RBMS3: variants seen among roughly 807,000 people sequenced by gnomAD.
The protein encoded by RBMS3 is RNA-binding motif, single-stranded-interacting protein 3.
A neutral mutation model predicts 66.8 loss-of-function variants in RBMS3; 27 were observed. The observed-to-expected ratio is 0.40, with a 90% CI of 0.30 to 0.56. The LOEUF (loss-of-function observed/expected upper bound fraction) is 0.56. Among genes scored for constraint, RBMS3 ranks in the 20% least tolerant of loss-of-function variants. The pLI, the probability that RBMS3 is intolerant of heterozygous loss-of-function variation, is 0.40. For synonymous variants in RBMS3, 188 were observed against 183.0 expected, an observed-to-expected ratio of 1.03 and a Z score of -0.22; for missense variants, 513 against 549.5, an observed-to-expected ratio of 0.93 and a Z score of 0.66.
chr3:29,334,992 T>A (rs1318158763), intron 1 of RBMS3, among the ~76,000 whole-genome samples: 1 of 152,318 alleles, frequency 6.6e-6, no homozygotes, highest in South Asian at 2.1e-4. Flanking sequence ...TGATGACAAA[T>A]ACTCTTTTTG....
intron 4 of RBMS3, among the ~76,000 whole-genome samples, chr3:29,738,357 A>T (rs1473455226): frequency 6.6e-6 from 1 of 152,224 alleles, no homozygotes; most frequent in Non-Finnish European, 1.5e-5. Context: ...TAGTTAAAAT[A>T]TAATAGTTCA....
At chr3:29,839,049 A>G (rs2058600107) in intron 6 of RBMS3, among the ~76,000 whole-genome samples, 1 of 152,210 alleles carries the variant, frequency 6.6e-6, no homozygotes. Flanking sequence ...GTGAATAATT[A>G]TCTTTCATTC....
intron 3 of RBMS3, among the ~76,000 whole-genome samples, chr3:29,491,720 G>T (rs764467289): frequency 6.6e-6 from 1 of 152,178 alleles, no homozygotes; most frequent in Non-Finnish European, 1.5e-5. Flanking sequence ...TAGGCCGGGC[G>T]CAGTGGCTCA....
intron 3 of RBMS3, among the ~76,000 whole-genome samples, chr3:29,562,584 T>A (rs1167650993): frequency 6.6e-6 from 1 of 152,130 alleles, no homozygotes; most frequent in Non-Finnish European, 1.5e-5. Context: ...AACCAAGGAA[T>A]AACTTATTTT....
intron 3 of RBMS3, among the ~76,000 whole-genome samples, chr3:29,562,565 G>A (rs2046594356): frequency 6.6e-6 from 1 of 152,054 alleles, no homozygotes; most frequent in Non-Finnish European, 1.5e-5. Flanking sequence ...TATTCTAGGG[G>A]TCTACCTGAA....
intron 1 of RBMS3, among the ~76,000 whole-genome samples, chr3:29,336,331 T>C (rs893970058): frequency 1.3e-5 from 2 of 152,260 alleles, no homozygotes; most frequent in South Asian, 2.1e-4. Flanking sequence ...TTGTGTTTTT[T>C]TGCAAGGCAC....
intron 6 of RBMS3, among the ~76,000 whole-genome samples, chr3:29,805,068 G>T (rs1182745025): frequency 1.3e-5 from 2 of 151,846 alleles, no homozygotes; most frequent in Admixed American, 1.3e-4. Flanking sequence ...TTTGAATAAG[G>T]TTAGATTTCT....
chr3:29,349,117 C>T (rs1458723840), intron 1 of RBMS3, among the ~76,000 whole-genome samples: 1 of 152,088 alleles, frequency 6.6e-6, no homozygotes, highest in African/African-American at 2.4e-5. Flanking sequence ...TCCTTTGAGG[C>T]CTTTACTGTG....
intron 5 of RBMS3, among the ~76,000 whole-genome samples, chr3:29,746,142 A>G (rs1368087182): frequency 6.6e-6 from 1 of 152,234 alleles, no homozygotes; most frequent in Admixed American, 6.5e-5. Flanking sequence ...ATGTTAAATA[A>G]CAATACTTTA....
At chr3:29,603,503 G>T (rs1347255783) in intron 4 of RBMS3, among the ~76,000 whole-genome samples, 1 of 151,956 alleles carries the variant, frequency 6.6e-6, no homozygotes, top group Non-Finnish European at 1.5e-5. Context: ...GGAGACATTT[G>T]TGGTTCTCTT....
At chr3:29,826,256 A>G (rs368095013) in intron 6 of RBMS3, among the ~76,000 whole-genome samples, 2 of 152,184 alleles carry the variant, frequency 1.3e-5, no homozygotes, top group East Asian at 1.9e-4. Context: ...TGAGTCTCCT[A>G]TAGCAATTGT....
At chr3:29,506,179 A>C (rs1031617499) in intron 3 of RBMS3, among the ~76,000 whole-genome samples, 10 of 151,956 alleles carry the variant, frequency 6.6e-5, no homozygotes, top group Non-Finnish European at 1.2e-4. Flanking sequence ...GAAAAATTTC[A>C]ACTTTCCCTC....
intron 1 of RBMS3, among the ~76,000 whole-genome samples, chr3:29,384,423 T>TAAGAAGAAGAAGAAGAAGAAGAAGAAG: frequency 5.1e-5 from 5 of 97,124 alleles, no homozygotes; most frequent in African/African-American, 1.8e-4. Context: ...ACACCAATAA[T>TAAGAAGAAGAAGAAGAAGAAGAAGAAG]AATAATAATA....
At chr3:29,721,631 C>T (rs2053648065) in intron 4 of RBMS3, among the ~76,000 whole-genome samples, 2 of 152,088 alleles carry the variant, frequency 1.3e-5, no homozygotes, top group Admixed American at 6.5e-5. Context: ...GTAACCACTG[C>T]CTTATTCCAT....
At chr3:29,783,668 A>T (rs6765707) in intron 6 of RBMS3, among the ~76,000 whole-genome samples, 17,035 of 152,170 alleles carry the variant, frequency 0.11, 1,082 homozygotes, top group African/African-American at 0.17. Context: ...AACAAATAGT[A>T]AGATGAATAG....
At chr3:29,770,979 G>C (rs2056174445) in intron 6 of RBMS3, among the ~76,000 whole-genome samples, 1 of 151,954 alleles carries the variant, frequency 6.6e-6, no homozygotes, top group East Asian at 1.9e-4. Flanking sequence ...CCATCAAAAA[G>C]CCTGCTATAC....
In RBMS3 at chr3:29,930,105, C is replaced by CCTTTT. The variant is rs1559811072; in HGVS notation, c.940-5981_940-5980insCTTTT. ...TGAATACTTTGTGTCACTTTTCTTT[C>CCTTTT]TTTCTTTTTTTTTTTTTTTTTTTTG... On this transcript the variant is annotated intron_variant, in intron 10 of 14. Coordinates refer to ENST00000383767, the MANE Select transcript of RBMS3 (RefSeq NM_001003793.3). 1.5e-4 allele frequency among the ~76,000 whole-genome samples: 4 copies of CCTTTT among 27,380 alleles called. No homozygotes were observed. The East Asian group carries it at 8.4e-3, about 57-fold the overall frequency. 18.0% of individuals were successfully genotyped at this position (27,380 alleles called of 152,430 possible). A position where few individuals can be genotyped will look rare whatever the true frequency, so the allele number is the denominator to read the frequency against.
intron 12 of RBMS3, among the ~76,000 whole-genome samples, chr3:29,970,464 A>C (rs1341550184): frequency 6.6e-6 from 1 of 152,104 alleles, no homozygotes; most frequent in Non-Finnish European, 1.5e-5. Context: ...TTCGAAGCTA[A>C]TTCTTACACG....
At chr3:29,745,799 T>C (rs1014819769) in intron 5 of RBMS3, among the ~76,000 whole-genome samples, 1 of 152,128 alleles carries the variant, frequency 6.6e-6, no homozygotes, top group Non-Finnish European at 1.5e-5. Context: ...TTTGTTTGAA[T>C]GACTTCTAAC....
Sources: gnomAD v4.1 joint callset for allele counts (sites outside exome capture counted in the v4.1 genomes callset) on GRCh38, gnomAD v4.1.1 for gene constraint, MANE v1.5 for transcripts, NCBI Gene and HGNC (gene_info 2026-07-23, HGNC 2026-07-21) for gene names.